The following MACROD2 variants were observed in gnomAD, a reference collection of about 807,000 sequenced individuals.
MACROD2 encodes the protein mono-ADP ribosylhydrolase 2, also known as ADP-ribose glycohydrolase MACROD2.
A neutral mutation model predicts 70.4 loss-of-function variants in MACROD2; 36 were observed. The ratio of observed to expected loss-of-function variants is 0.51; its 90% CI spans 0.39 to 0.68. The LOEUF is 0.68. MACROD2 is among the 30% of genes least tolerant of loss of function. The probability of loss-of-function intolerance (pLI) is 0.00; values close to 1 mark genes in which losing one functional copy is unlikely to be tolerated. For synonymous variants in MACROD2, 172 were observed against 178.8 expected (o/e 0.96, Z 0.30); for missense variants, 496 against 538.4 (o/e 0.92, Z 0.78).
At chr20:15,023,265 A>C (rs1412923223) in intron 5 of MACROD2, among the ~76,000 whole-genome samples, 1 of 152,186 alleles carries the variant, frequency 6.6e-6, no homozygotes. Flanking sequence ...AAGACCATTC[A>C]AATACTTTTG....
At chr20:14,641,744 G>C (rs913029966) in intron 4 of MACROD2, among the ~76,000 whole-genome samples, 2 of 152,138 alleles carry the variant, frequency 1.3e-5, no homozygotes, top group African/African-American at 2.4e-5. Context: ...TCAACAATGG[G>C]CTTAAAATAT....
chr20:15,010,912 T>A (rs2075077899), intron 5 of MACROD2, among the ~76,000 whole-genome samples: 1 of 152,136 alleles, frequency 6.6e-6, no homozygotes, highest in African/African-American at 2.4e-5. Flanking sequence ...TCTCCCATGT[T>A]TTTCCTCCAA....
intron 5 of MACROD2, among the ~76,000 whole-genome samples, chr20:15,204,029 C>T (rs558983731): frequency 1.3e-5 from 2 of 152,124 alleles, no homozygotes; most frequent in South Asian, 4.1e-4. Flanking sequence ...GTCTGTGTAT[C>T]AATCAACCAT....
rs556009744 is a variant in MACROD2 at position 15,454,776 on chromosome 20, C to T, written c.571+23341C>T. Among the ~76,000 whole-genome samples the T allele has an allele frequency of 8.1e-4, 48 of 59,006 alleles. 12 individuals carry two copies. In the South Asian group the frequency reaches 9.1e-3, roughly 11 times the overall value. The allele number at this position is 59,006 out of a possible 152,430, so 38.7% of individuals were successfully genotyped here. A position where few individuals can be genotyped will look rare whatever the true frequency, so the allele number is the denominator to read the frequency against. The stretch of plus-strand genomic sequence containing the variant: ...GCCTGAGGGATAGCTCTGTTGACCT[C>T]ATCAAGTTTCTTGCAGCAGGATGTC... On this transcript the variant is annotated intron_variant, in intron 7 of 17. Coordinates refer to ENST00000684519, the MANE Select transcript of MACROD2 (RefSeq NM_001351661.2).
At chr20:14,521,817 A>T (rs1278605061) in intron 4 of MACROD2, among the ~76,000 whole-genome samples, 2 of 152,198 alleles carry the variant, frequency 1.3e-5, no homozygotes, top group African/African-American at 2.4e-5. Context: ...ACAACTAATT[A>T]TTCCATGGGA....
chr20:15,055,979 G>T (rs973067775), intron 5 of MACROD2, among the ~76,000 whole-genome samples: 1 of 151,946 alleles, frequency 6.6e-6, no homozygotes, highest in Non-Finnish European at 1.5e-5. Context: ...TAGAGACAAG[G>T]TTTCACCATG....
At chr20:15,839,407 C>T (rs866512521) in intron 8 of MACROD2, among the ~76,000 whole-genome samples, 5 of 152,120 alleles carry the variant, frequency 3.3e-5, no homozygotes, top group East Asian at 3.9e-4. Flanking sequence ...TGACTTCTGT[C>T]GGCTTACTGA....
intron 3 of MACROD2, among the ~76,000 whole-genome samples, chr20:14,314,876 A>G (rs1458720693): frequency 1.3e-5 from 2 of 152,176 alleles, no homozygotes; most frequent in Non-Finnish European, 2.9e-5. Context: ...TTTCCACACA[A>G]TTAGACAGGC....
At chr20:15,455,624 A>C (rs956132453) in intron 7 of MACROD2, among the ~76,000 whole-genome samples, 1 of 152,150 alleles carries the variant, frequency 6.6e-6, no homozygotes, top group Middle Eastern at 3.2e-3. Context: ...TATGGCTTTG[A>C]GCAAATAACT....
At chr20:15,754,384 A>C (rs1477328650) in intron 8 of MACROD2, among the ~76,000 whole-genome samples, 2 of 152,198 alleles carry the variant, frequency 1.3e-5, no homozygotes, top group Admixed American at 6.5e-5. Flanking sequence ...GCACTTTAGG[A>C]GGCCAAGGTG....
chr20:14,187,862 T>A (rs1601327400), intron 3 of MACROD2, among the ~76,000 whole-genome samples: 1 of 152,294 alleles, frequency 6.6e-6, no homozygotes, highest in African/African-American at 2.4e-5. Context: ...ATTAACTATT[T>A]TTTTGTATCC....
intron 5 of MACROD2, among the ~76,000 whole-genome samples, chr20:14,830,196 T>G (rs956466531): frequency 6.6e-5 from 10 of 152,140 alleles, no homozygotes; most frequent in Non-Finnish European, 1.3e-4. Context: ...TACGGTTCAT[T>G]AAGGTTTAAA....
chr20:15,898,202 G>A (rs2065003345), intron 10 of MACROD2, among the ~76,000 whole-genome samples: 3 of 152,024 alleles, frequency 2.0e-5, no homozygotes, highest in Admixed American at 2.0e-4. Flanking sequence ...CCTCACACGT[G>A]TGGCTCATTC....
At chr20:14,862,712 TA>T (rs1379422770) in intron 5 of MACROD2, among the ~76,000 whole-genome samples, 8 of 84,010 alleles carry the variant, frequency 9.5e-5, no homozygotes, top group Non-Finnish European at 1.7e-4. Context: ...TATATATATA[TA>T]TATTTTTTTT....
chr20:14,920,867 C>T (rs536132630), intron 5 of MACROD2, among the ~76,000 whole-genome samples: 1 of 152,202 alleles, frequency 6.6e-6, no homozygotes, highest in African/African-American at 2.4e-5. Context: ...TGAGGTTCCT[C>T]CACACATTCA....
intron 6 of MACROD2, among the ~76,000 whole-genome samples, chr20:15,396,858 C>T (rs1219235922): frequency 6.6e-6 from 1 of 152,154 alleles, no homozygotes; most frequent in African/African-American, 2.4e-5. Context: ...ACCTCATTGC[C>T]CCTCATTCAC....
intron 2 of MACROD2, among the ~76,000 whole-genome samples, chr20:14,011,719 C>A (rs552698111): frequency 6.6e-6 from 1 of 152,148 alleles, no homozygotes; most frequent in Non-Finnish European, 1.5e-5. Flanking sequence ...TTAGTAGAGA[C>A]AGGGTTTCAC....
intron 5 of MACROD2, among the ~76,000 whole-genome samples, chr20:14,767,384 A>G (rs1278049599): frequency 2.0e-5 from 3 of 152,030 alleles, no homozygotes; most frequent in Admixed American, 1.3e-4. Context: ...GGACAGTGAA[A>G]ATGATGAAAG....
At chr20:14,583,129 C>A (rs1052395156) in intron 4 of MACROD2, among the ~76,000 whole-genome samples, 1 of 152,180 alleles carries the variant, frequency 6.6e-6, no homozygotes, top group Non-Finnish European at 1.5e-5. Context: ...CTCTCTCTAA[C>A]TTGAGAAACA....
Sources: allele counts gnomAD v4.1 joint callset (sites outside exome capture counted in the v4.1 genomes callset), GRCh38; gene constraint gnomAD v4.1.1; transcripts MANE v1.5; gene names NCBI Gene and HGNC (gene_info 2026-07-23, HGNC 2026-07-21).